FAM117B: variants seen among roughly 807,000 people sequenced by gnomAD.
FAM117B encodes protein FAM117B.
FAM117B carries 22 observed loss-of-function variants against 52.8 expected under a neutral mutation model. The observed-to-expected ratio is 0.42, with a 90% confidence interval of 0.30 to 0.59. The LOEUF (loss-of-function observed/expected upper bound fraction) is 0.59, where lower values mean the gene tolerates loss of function less well. FAM117B is among the 20% of genes least tolerant of loss of function. The pLI, the probability that FAM117B is intolerant of heterozygous loss-of-function variation, is 0.22. For missense variants in FAM117B, 678 were observed against 802.6 expected, an observed-to-expected ratio of 0.84 and a Z score of 1.88; for synonymous variants, 309 against 324.1, an observed-to-expected ratio of 0.95 and a Z score of 0.50.
chr2:202,655,732 GA>G (rs1690044327), intron 1 of FAM117B, among the ~76,000 whole-genome samples: 3 of 148,086 alleles, frequency 2.0e-5, no homozygotes, highest in Non-Finnish European at 3.0e-5. Context: ...GAGAGAGAGA[GA>G]GAGAGAGAGA....
At chr2:202,711,928 T>C (rs1399508074) in intron 2 of FAM117B, among the ~76,000 whole-genome samples, 1 of 152,300 alleles carries the variant, frequency 6.6e-6, no homozygotes, top group Non-Finnish European at 1.5e-5. Flanking sequence ...GCCAATACCA[T>C]GCCATTTTGG....
chr2:202,665,339 AT>A (rs1175143562), intron 1 of FAM117B, among the ~76,000 whole-genome samples: 2 of 150,952 alleles, frequency 1.3e-5, no homozygotes, highest in East Asian at 3.9e-4. Flanking sequence ...AACCCTCTCA[AT>A]TTTCAAAGCC....
chr2:202,673,244 C>A (rs2105766613), intron 1 of FAM117B, among the ~76,000 whole-genome samples: 1 of 152,058 alleles, frequency 6.6e-6, no homozygotes, highest in East Asian at 1.9e-4. Flanking sequence ...CAGAAGGGAG[C>A]TATGGAGTGT....
At chr2:202,739,311 T>C (rs543021454) in intron 4 of FAM117B, among the ~76,000 whole-genome samples, 1 of 152,336 alleles carries the variant, frequency 6.6e-6, no homozygotes, top group East Asian at 1.9e-4. Context: ...GGTCCTGTGG[T>C]ATATCATATT....
chr2:202,635,937 C>A (rs183717098), intron 1 of FAM117B, 149 bp downstream of exon 1: 1 of 962,108 alleles, frequency 1.0e-6, no homozygotes, highest in East Asian at 3.7e-5. Context: ...GTGGGGGACC[C>A]GGCAGTGCGG....
chr2:202,755,720 T>C (rs1250482344), intron 5 of FAM117B, 39 bp downstream of exon 5: 1 of 1,558,386 alleles, frequency 6.4e-7, no homozygotes, highest in Non-Finnish European at 8.7e-7. Flanking sequence ...CTTGAACTCT[T>C]ATAATTATTA....
At chr2:202,705,176 C>T (rs1349772030) in intron 2 of FAM117B, among the ~76,000 whole-genome samples, 1 of 151,896 alleles carries the variant, frequency 6.6e-6, no homozygotes, top group African/African-American at 2.4e-5. Flanking sequence ...TGTGGTGGCG[C>T]ATGCCTGTAA....
At chr2:202,665,999 T>C (rs1019561728) in intron 1 of FAM117B, among the ~76,000 whole-genome samples, 1 of 152,220 alleles carries the variant, frequency 6.6e-6, no homozygotes, top group Non-Finnish European at 1.5e-5. Flanking sequence ...TAGTGACTTA[T>C]TGATATAAAT....
intron 2 of FAM117B, among the ~76,000 whole-genome samples, chr2:202,709,462 A>G (rs2105781628): frequency 6.6e-6 from 1 of 152,252 alleles, no homozygotes; most frequent in East Asian, 1.9e-4. Context: ...TCTGCCTCCC[A>G]AAGTACTGGG....
intron 2 of FAM117B, among the ~76,000 whole-genome samples, chr2:202,723,092 A>T (rs1691179097): frequency 6.6e-6 from 1 of 152,144 alleles, no homozygotes; most frequent in Non-Finnish European, 1.5e-5. Flanking sequence ...GAAATAGGGC[A>T]TAGAGTGGTG....
intron 1 of FAM117B, among the ~76,000 whole-genome samples, chr2:202,686,125 A>G (rs1199684192): frequency 6.6e-6 from 1 of 152,228 alleles, no homozygotes; most frequent in Non-Finnish European, 1.5e-5. Flanking sequence ...GATCAGACAT[A>G]TCACTGAAGA....
At position 202,673,444 on chromosome 2, in the gene FAM117B, T is replaced by G. The variant is rs1356377423; in HGVS notation, c.602-22437T>G. On this transcript the variant is annotated intron_variant, in intron 1 of 7. Coordinates refer to ENST00000392238, the MANE Select transcript of FAM117B (RefSeq NM_173511.4). ...ATTTTTCTTTTTCTGTTTTTTTTTT[T>G]TTTTTTTTTTTTTTTTTTTTTGAGA... Among the ~76,000 whole-genome samples, 210 of 118,740 alleles carry G rather than the reference T, an allele frequency of 1.8e-3. 3 individuals are homozygous for G. The highest frequency in any genetic ancestry group is 6.8e-3 in the African/African-American group (200 of 29,520). 77.9% of individuals were successfully genotyped at this position (118,740 alleles called of 152,430 possible).
chr2:202,653,702 A>G (rs1167440804), intron 1 of FAM117B, among the ~76,000 whole-genome samples: 1 of 152,158 alleles, frequency 6.6e-6, no homozygotes, highest in Non-Finnish European at 1.5e-5. Flanking sequence ...AAATCCTCAT[A>G]ATGTGTTCAT....
At chr2:202,644,064 G>GTTTGTTTTTTTTT (rs1689816805) in intron 1 of FAM117B, among the ~76,000 whole-genome samples, 2 of 95,136 alleles carry the variant, frequency 2.1e-5, no homozygotes, top group African/African-American at 9.0e-5. Flanking sequence ...TTTTTTTTTT[G>GTTTGTTTTTTTTT]TTTTTTTTTT....
intron 1 of FAM117B, among the ~76,000 whole-genome samples, chr2:202,676,081 C>G (rs1360083574): frequency 6.6e-6 from 1 of 151,780 alleles, no homozygotes; most frequent in Non-Finnish European, 1.5e-5. Context: ...ATTACTCTTC[C>G]CTTCTTACTT....
chr2:202,636,828 G>T (rs150500017), intron 1 of FAM117B, among the ~76,000 whole-genome samples: 1 of 152,220 alleles, frequency 6.6e-6, no homozygotes, highest in African/African-American at 2.4e-5. Context: ...GGAATAGGAT[G>T]ACTCTTTCTT....
intron 1 of FAM117B, among the ~76,000 whole-genome samples, chr2:202,671,255 A>G (rs1690295539): frequency 6.6e-6 from 1 of 152,208 alleles, no homozygotes; most frequent in African/African-American, 2.4e-5. Context: ...TCATTTAAGA[A>G]TGTTGAAGAA....
At chr2:202,718,102 A>G (rs1691086017) in intron 2 of FAM117B, among the ~76,000 whole-genome samples, 1 of 152,152 alleles carries the variant, frequency 6.6e-6, no homozygotes, top group Non-Finnish European at 1.5e-5. Flanking sequence ...GGCCACTGCC[A>G]GTGTTCCCTT....
chr2:202,730,539 GC>G (rs1443495702), intron 4 of FAM117B, among the ~76,000 whole-genome samples: 1 of 151,998 alleles, frequency 6.6e-6, no homozygotes, highest in Non-Finnish European at 1.5e-5. Context: ...GCGTGGTGCC[GC>G]GTGCCTATAA....
Sources: gnomAD v4.1 joint callset for allele counts (sites outside exome capture counted in the v4.1 genomes callset) on GRCh38, gnomAD v4.1.1 for gene constraint, MANE v1.5 for transcripts, NCBI Gene and HGNC (gene_info 2026-07-23, HGNC 2026-07-21) for gene names.